PDSS2: variants seen among roughly 807,000 people sequenced by gnomAD.
PDSS2 encodes the protein all trans-polyprenyl-diphosphate synthase PDSS2.
A neutral mutation model predicts 44.5 loss-of-function variants in PDSS2; 31 were observed. That is an observed-to-expected ratio of 0.70 (90% confidence interval 0.52 to 0.94). The LOEUF is 0.94. Ranked by LOEUF, PDSS2 falls within the 40% of genes least tolerant of loss-of-function variation. The pLI is 0.00. For missense variants in PDSS2, 452 were observed against 482.2 expected (o/e 0.94, Z 0.59); for synonymous variants, 157 against 180.3 (o/e 0.87, Z 1.03).
chr6:107,265,375 A>G (rs1775380459), intron 3 of PDSS2, among the ~76,000 whole-genome samples: 1 of 152,212 alleles, frequency 6.6e-6, no homozygotes, highest in African/African-American at 2.4e-5. Flanking sequence ...AAAATGAGAA[A>G]TTGGTAGAAT....
In PDSS2 at chr6:107,264,257, T is replaced by C. The variant is rs1775339534; in HGVS notation, c.630+9772A>G. 3 of 1,339,584 alleles carry C rather than the reference T, an allele frequency of 2.2e-6. No homozygotes were observed. In the African/African-American group the frequency reaches 4.4e-5, roughly 20 times the overall value. The allele number at this position is 1,339,584 out of a possible 1,614,324, so 83.0% of individuals were successfully genotyped here. A position where few individuals can be genotyped will look rare whatever the true frequency, so the allele number is the denominator to read the frequency against. On this transcript the variant is annotated intron_variant, in intron 3 of 7. Transcript: ENST00000369037. ...ATTTATATGCATAAATTGAGCATATTTGTACAAACAAAATACTTCATTTTA... is the reference window on the plus strand; with the variant it reads ...ATTTATATGCATAAATTGAGCATATCTGTACAAACAAAATACTTCATTTTA...
intron 1 of PDSS2, among the ~76,000 whole-genome samples, chr6:107,377,178 C>A (rs201272250): frequency 0.1 from 13,345 of 132,874 alleles, 778 homozygotes; most frequent in East Asian, 0.31. Flanking sequence ...CAATGAACTC[C>A]AACAAATTTA....
intron 6 of PDSS2, among the ~76,000 whole-genome samples, chr6:107,208,690 C>T (rs568469687): frequency 1.3e-4 from 19 of 149,144 alleles, no homozygotes; most frequent in African/African-American, 4.2e-4. Context: ...CTCACTGCAG[C>T]CTCTGCCTTA....
chr6:107,190,611 C>G (rs1363259945), intron 7 of PDSS2, among the ~76,000 whole-genome samples: 2 of 152,150 alleles, frequency 1.3e-5, no homozygotes, highest in African/African-American at 4.8e-5. Context: ...AGCACCTAAT[C>G]CAGCCTGGGA....
At chr6:107,407,013 G>T (rs1481347752) in intron 1 of PDSS2, among the ~76,000 whole-genome samples, 1 of 152,202 alleles carries the variant, frequency 6.6e-6, no homozygotes, top group Non-Finnish European at 1.5e-5. Flanking sequence ...CTGACTGGGG[G>T]TTGGGGAGTG....
At chr6:107,409,258 T>A in intron 1 of PDSS2, among the ~76,000 whole-genome samples, 1 of 152,222 alleles carries the variant, frequency 6.6e-6, no homozygotes, top group East Asian at 1.9e-4. Flanking sequence ...ATGTCTGTTG[T>A]ATCATCTTGG....
At chr6:107,348,900 T>C (rs931484408) in intron 1 of PDSS2, among the ~76,000 whole-genome samples, 2 of 152,198 alleles carry the variant, frequency 1.3e-5, no homozygotes, top group African/African-American at 4.8e-5. Context: ...AGTACTACTG[T>C]TATCCTAATT....
intron 7 of PDSS2, among the ~76,000 whole-genome samples, chr6:107,189,463 G>A (rs1298872227): frequency 2.0e-5 from 3 of 151,918 alleles, no homozygotes; most frequent in Admixed American, 6.6e-5. Flanking sequence ...TCAGCCTCCC[G>A]AGTAGCTAGG....
intron 1 of PDSS2, among the ~76,000 whole-genome samples, chr6:107,370,808 T>C (rs898291237): frequency 4.6e-5 from 7 of 152,244 alleles, no homozygotes; most frequent in African/African-American, 1.7e-4. Context: ...TCTGGTTACC[T>C]CTGAGCATCC....
intron 1 of PDSS2, among the ~76,000 whole-genome samples, chr6:107,363,271 G>A (rs1306741505): frequency 6.6e-6 from 1 of 152,250 alleles, no homozygotes; most frequent in Non-Finnish European, 1.5e-5. Context: ...GTTCGGAATT[G>A]GTGGGTTCTT....
At chr6:107,253,898 C>T (rs888672392) in intron 3 of PDSS2, among the ~76,000 whole-genome samples, 1 of 152,032 alleles carries the variant, frequency 6.6e-6, no homozygotes, top group Non-Finnish European at 1.5e-5. Context: ...TGTGGTAGCT[C>T]GTGCCTGTAA....
chr6:107,405,495 GA>G (rs905174896), intron 1 of PDSS2, among the ~76,000 whole-genome samples: 1 of 151,284 alleles, frequency 6.6e-6, no homozygotes, highest in African/African-American at 2.4e-5. Flanking sequence ...ATCATGACAG[GA>G]AAAAAAACTC....
intron 1 of PDSS2, among the ~76,000 whole-genome samples, chr6:107,376,813 G>A (rs1290370901): frequency 6.6e-6 from 1 of 152,156 alleles, no homozygotes; most frequent in Non-Finnish European, 1.5e-5. Context: ...GGAGTGGTGA[G>A]AGAGGGCATC....
chr6:107,226,630 T>C (rs1037772028), intron 4 of PDSS2, among the ~76,000 whole-genome samples: 10 of 151,756 alleles, frequency 6.6e-5, no homozygotes, highest in Admixed American at 5.9e-4. Context: ...GAGGTCAGAC[T>C]ATGTAAGCAT....
chr6:107,166,586 G>C (rs9689031), intron 7 of PDSS2, among the ~76,000 whole-genome samples: 2 of 151,832 alleles, frequency 1.3e-5, no homozygotes, highest in South Asian at 4.2e-4. Flanking sequence ...GGATGGTCTC[G>C]ATCTCCTGAC....
chr6:107,310,692 A>G (rs1018939851), intron 2 of PDSS2, among the ~76,000 whole-genome samples: 5 of 152,132 alleles, frequency 3.3e-5, no homozygotes, highest in Non-Finnish European at 5.9e-5. Context: ...GAGAGTATTT[A>G]AGTCTCAACC....
chr6:107,276,124 G>GAAAAAA (rs1775774129), intron 2 of PDSS2, among the ~76,000 whole-genome samples: 1 of 12,716 alleles, frequency 7.9e-5, no homozygotes, highest in Admixed American at 9.4e-4. Context: ...CAAAAAAAAG[G>GAAAAAA]AAAGAAAAGA....
At chr6:107,356,686 T>C (rs921125136) in intron 1 of PDSS2, among the ~76,000 whole-genome samples, 3 of 152,214 alleles carry the variant, frequency 2.0e-5, no homozygotes, top group Non-Finnish European at 4.4e-5. Flanking sequence ...CAATGACTTA[T>C]TTGCTTGATA....
intron 1 of PDSS2, among the ~76,000 whole-genome samples, chr6:107,344,581 C>T (rs774853201): frequency 2.6e-5 from 4 of 152,046 alleles, no homozygotes; most frequent in Non-Finnish European, 5.9e-5. Flanking sequence ...CCAAAGCCCT[C>T]CCAAAGCTTC....
Sources: gnomAD v4.1 joint callset for allele counts (sites outside exome capture counted in the v4.1 genomes callset) on GRCh38, gnomAD v4.1.1 for gene constraint, MANE v1.5 for transcripts, NCBI Gene and HGNC (gene_info 2026-07-23, HGNC 2026-07-21) for gene names.